The following PCDH7 variants were observed in gnomAD, a reference collection of about 807,000 sequenced individuals.
PCDH7 encodes the protein protocadherin-7.
A neutral mutation model predicts 58.9 loss-of-function variants in PCDH7; 17 were observed. That is an observed-to-expected ratio of 0.29 (90% CI 0.20 to 0.43). PCDH7 has a LOEUF of 0.43. PCDH7 is among the 20% of genes least tolerant of loss of function. The pLI, the probability that PCDH7 is intolerant of heterozygous loss-of-function variation, is 1.00. For missense variants in PCDH7, 1,274 were observed against 1,441.0 expected (o/e 0.88, Z 1.88); for synonymous variants, 664 against 616.4 (o/e 1.08, Z -1.14).
chr4:30,738,640 A>G (rs1187181634), intron 1 of PCDH7, among the ~76,000 whole-genome samples: 1 of 152,206 alleles, frequency 6.6e-6, no homozygotes, highest in Non-Finnish European at 1.5e-5. Flanking sequence ...TTAATGTAAA[A>G]TCAACATTTA....
At chr4:30,755,437 C>T (rs917667060) in intron 1 of PCDH7, among the ~76,000 whole-genome samples, 5 of 152,058 alleles carry the variant, frequency 3.3e-5, no homozygotes, top group Non-Finnish European at 7.4e-5. Flanking sequence ...CCTATCTGCT[C>T]TTGACAGAAA....
chr4:30,799,219 A>G (rs559045869), intron 1 of PCDH7, among the ~76,000 whole-genome samples: 15 of 152,244 alleles, frequency 9.9e-5, no homozygotes, highest in African/African-American at 3.4e-4. Context: ...AATCAAGAAA[A>G]TTCAGCTTCA....
chr4:31,095,607 AAAG>A (rs1300632033), intron 3 of PCDH7, among the ~76,000 whole-genome samples: 1 of 152,176 alleles, frequency 6.6e-6, no homozygotes, highest in Admixed American at 6.6e-5. Flanking sequence ...CAAAAATTTA[AAAG>A]AAGACTCCTC....
At chr4:30,724,176 T>C (rs765434625) in exon 1 of PCDH7, 1 of 1,613,882 alleles carries the variant, frequency 6.2e-7, no homozygotes, top group Admixed American at 1.7e-5. Context: ...GCAAAAAAGA[T>C]CACGAAGACT....
At chr4:31,103,453 G>C (rs1360444364) in intron 3 of PCDH7, among the ~76,000 whole-genome samples, 1 of 151,972 alleles carries the variant, frequency 6.6e-6, no homozygotes, top group Non-Finnish European at 1.5e-5. Flanking sequence ...TCGTGCCTCA[G>C]CCTCCCAAGT....
intron 3 of PCDH7, among the ~76,000 whole-genome samples, chr4:30,984,318 A>C (rs1035695271): frequency 1.3e-5 from 2 of 152,182 alleles, no homozygotes; most frequent in Admixed American, 1.3e-4. Flanking sequence ...TCATCCTTAA[A>C]TATTTGGGAA....
chr4:31,026,018 T>A (rs577751440), intron 3 of PCDH7, among the ~76,000 whole-genome samples: 87 of 152,224 alleles, frequency 5.7e-4, no homozygotes, highest in Non-Finnish European at 1.0e-3. Flanking sequence ...TAATTACTAG[T>A]ATGTGTCAAA....
chr4:30,724,732 T>C, intron 1 of PCDH7, 136 bp downstream of exon 1: 1 of 1,449,640 alleles, frequency 6.9e-7, no homozygotes, highest in Non-Finnish European at 9.1e-7. Context: ...ATGTTAATTT[T>C]TGCACCATTA....
chr4:30,859,993 T>C (rs1306246354), intron 1 of PCDH7, among the ~76,000 whole-genome samples: 1 of 152,070 alleles, frequency 6.6e-6, no homozygotes, highest in African/African-American at 2.4e-5. Context: ...ATCTTTCAGG[T>C]TTCATTGGTG....
intron 3 of PCDH7, among the ~76,000 whole-genome samples, chr4:31,111,379 C>T (rs1716296100): frequency 6.6e-6 from 1 of 151,470 alleles, no homozygotes; most frequent in South Asian, 2.1e-4. Flanking sequence ...GCCACCTCGG[C>T]TCACTGCAAC....
At chr4:30,959,363 T>C (rs1403228536) in intron 3 of PCDH7, among the ~76,000 whole-genome samples, 1 of 152,130 alleles carries the variant, frequency 6.6e-6, no homozygotes, top group African/African-American at 2.4e-5. Flanking sequence ...TATGAACTAT[T>C]TTCTGGGCTC....
chr4:30,746,096 T>C (rs1717746914), intron 1 of PCDH7, among the ~76,000 whole-genome samples: 1 of 152,200 alleles, frequency 6.6e-6, no homozygotes. Flanking sequence ...CCAAAAGTGC[T>C]GGGATTACAG....
At position 30,882,179 on chromosome 4, in the gene PCDH7, T is replaced by C. The variant is rs962883846; in HGVS notation, c.71-37974T>C. Among the ~76,000 whole-genome samples, 9 of 143,922 alleles carry C rather than the reference T, an allele frequency of 6.3e-5. No individual in the cohort carries two copies. The East Asian group carries it at 2.0e-3, about 33-fold the overall frequency. 94.4% of individuals were successfully genotyped at this position (143,922 alleles called of 152,430 possible). A position where few individuals can be genotyped will look rare whatever the true frequency, so the allele number is the denominator to read the frequency against. On this transcript the variant is annotated intron_variant, in intron 1 of 3. Coordinates refer to the PCDH7 transcript ENST00000509759. ...CTCTCCTTCCTCCCTCTCTTCCCCTTCCTCTTTCCCCTCCCCTTCCTCCTC... is the reference window on the plus strand; with the variant it reads ...CTCTCCTTCCTCCCTCTCTTCCCCTCCCTCTTTCCCCTCCCCTTCCTCCTC...
chr4:31,093,515 C>A (rs946106611), intron 3 of PCDH7, among the ~76,000 whole-genome samples: 1 of 152,014 alleles, frequency 6.6e-6, no homozygotes, highest in African/African-American at 2.4e-5. Context: ...TTTTCTTGAA[C>A]AACATAAGGC....
intron 1 of PCDH7, among the ~76,000 whole-genome samples, chr4:30,800,273 A>C (rs1159622731): frequency 3.3e-5 from 5 of 152,108 alleles, no homozygotes; most frequent in African/African-American, 1.2e-4. Flanking sequence ...AGGAGTATAA[A>C]AATACTAGAT....
chr4:30,974,269 C>CCTTTCCTTTT (rs1749872950), intron 3 of PCDH7, among the ~76,000 whole-genome samples: 1 of 148,208 alleles, frequency 6.7e-6, no homozygotes, highest in South Asian at 2.1e-4. Flanking sequence ...CCTTTCCTTT[C>CCTTTCCTTTT]CTTTCATAAA....
At chr4:30,927,647 G>A (rs150731717) in intron 2 of PCDH7, among the ~76,000 whole-genome samples, 2,649 of 152,138 alleles carry the variant, frequency 0.017, 79 homozygotes, top group African/African-American at 0.06. Flanking sequence ...TTAAACAGAT[G>A]CTTGAAGGCA....
intron 3 of PCDH7, among the ~76,000 whole-genome samples, chr4:30,982,748 T>C (rs1003230866): frequency 6.6e-6 from 1 of 152,064 alleles, no homozygotes; most frequent in African/African-American, 2.4e-5. Context: ...CATTTAACAG[T>C]AACTGCATCC....
intron 3 of PCDH7, among the ~76,000 whole-genome samples, chr4:31,130,366 A>C (rs1718827835): frequency 6.6e-6 from 1 of 152,214 alleles, no homozygotes; most frequent in Non-Finnish European, 1.5e-5. Context: ...GCAAAATGAA[A>C]ATTCTTTAGT....
Sources: allele counts gnomAD v4.1 joint callset (sites outside exome capture counted in the v4.1 genomes callset), GRCh38; gene constraint gnomAD v4.1.1; transcripts MANE v1.5; gene names NCBI Gene and HGNC (gene_info 2026-07-23, HGNC 2026-07-21).